The following WDR62 variants were observed in gnomAD, a reference collection of about 807,000 sequenced individuals.
The protein encoded by WDR62 is WD repeat-containing protein 62.
In WDR62, 112 loss-of-function variants were observed where a neutral mutation model predicts 160.6. The ratio of observed to expected loss-of-function variants is 0.70; its 90% CI spans 0.60 to 0.82. The LOEUF (loss-of-function observed/expected upper bound fraction) is 0.82. Among genes scored for constraint, WDR62 ranks in the 40% least tolerant of loss-of-function variants. WDR62 has a pLI of 0.00. For synonymous variants in WDR62, 792 were observed against 815.1 expected (o/e 0.97, Z 0.48); for missense variants, 1,819 against 1,983.8 (o/e 0.92, Z 1.58).
chr19:36,107,849 G>A (rs1370555514), downstream of WDR62, among the ~76,000 whole-genome samples: 2 of 152,152 alleles, frequency 1.3e-5, no homozygotes, highest in Admixed American at 1.3e-4. Context: ...ACCTGGTTAA[G>A]AAGCCACTGC....
At chr19:36,078,101 T>G (rs1159052940) in intron 9 of WDR62, among the ~76,000 whole-genome samples, 1 of 152,174 alleles carries the variant, frequency 6.6e-6, no homozygotes, top group Non-Finnish European at 1.5e-5. Context: ...TTTTCTACCT[T>G]ATGGCTGTTG....
chr19:36,100,193 A>T (rs917034401), intron 22 of WDR62, among the ~76,000 whole-genome samples: 4 of 152,240 alleles, frequency 2.6e-5, no homozygotes, highest in Admixed American at 2.0e-4. Context: ...GCTTAAGTAT[A>T]GGGCCTGGGC....
intron 9 of WDR62, 170 bp downstream of exon 9, chr19:36,073,701 C>G: frequency 1.4e-6 from 1 of 699,292 alleles, no homozygotes; most frequent in Non-Finnish European, 2.6e-6. Flanking sequence ...CCTTAACAAG[C>G]TCACATTTGG....
intron 9 of WDR62, among the ~76,000 whole-genome samples, chr19:36,076,750 C>G (rs572755017): frequency 4.6e-5 from 7 of 152,008 alleles, no homozygotes; most frequent in Non-Finnish European, 1.0e-4. Flanking sequence ...CTTTTTCCCA[C>G]ATTATACATG....
intron 4 of WDR62, 118 bp from the exon 5 acceptor site, chr19:36,066,139 G>A: frequency 1.3e-6 from 2 of 1,578,362 alleles, no homozygotes; most frequent in African/African-American, 1.3e-5. Context: ...CAGCCCTGTA[G>A]CAGATGGGGG....
intron 13 of WDR62, among the ~76,000 whole-genome samples, chr19:36,087,023 C>G (rs1396053643): frequency 5.3e-5 from 8 of 151,798 alleles, no homozygotes; most frequent in Non-Finnish European, 1.2e-4. Flanking sequence ...CACCTGAGGT[C>G]AGGAGTTCGG....
intron 11 of WDR62, 86 bp from the exon 12 acceptor site, chr19:36,084,566 TG>T: frequency 1.6e-6 from 2 of 1,261,470 alleles, no homozygotes; most frequent in Non-Finnish European, 1.2e-6. Flanking sequence ...TCATTGTTGG[TG>T]GCCTGGCCAT....
At chr19:36,090,342 G>C in intron 15 of WDR62, 103 bp from the exon 16 acceptor site, 1 of 1,054,138 alleles carries the variant, frequency 9.5e-7, no homozygotes, top group Non-Finnish European at 1.5e-6. Context: ...GGGACAAGAG[G>C]TAGCAGGGGG....
intron 3 of WDR62, chr19:36,061,473 A>G: frequency 6.6e-6 from 1 of 152,246 alleles, no homozygotes; most frequent in East Asian, 1.9e-4. Context: ...TAACACAAAA[A>G]TCCAAATGTC....
intron 1 of WDR62, among the ~76,000 whole-genome samples, chr19:36,055,814 A>G (rs936319591): frequency 6.6e-6 from 1 of 152,206 alleles, no homozygotes; most frequent in African/African-American, 2.4e-5. Context: ...GCGGCAATTA[A>G]AAAAATTGTT....
chr19:36,056,812 CTTTTT>C (rs1005571081), intron 1 of WDR62, among the ~76,000 whole-genome samples: 1 of 139,886 alleles, frequency 7.1e-6, no homozygotes. Context: ...TTTTTCTTTT[CTTTTT>C]TTTTTTTTTT....
At chr19:36,094,755 C>T (rs1446619483) in intron 20 of WDR62, among the ~76,000 whole-genome samples, 1 of 151,434 alleles carries the variant, frequency 6.6e-6, no homozygotes, top group Admixed American at 6.6e-5. Flanking sequence ...AGAAATTAGC[C>T]AGGCATAGTG....
At chr19:36,067,546 G>A (rs1221250289) in intron 6 of WDR62, 103 bp downstream of exon 6, 2 of 1,541,708 alleles carry the variant, frequency 1.3e-6, no homozygotes, top group Non-Finnish European at 1.8e-6. Context: ...AGCGGTCTCG[G>A]GCCATTTGGC....
In WDR62 at chr19:36,099,538, C is replaced by T. The variant is rs1973195995; in HGVS notation, c.2660C>T (p.Thr887Ile). The change falls in exon 22 of 32, where the codon ACC (threonine) becomes ATC (isoleucine). Residue 887 changes from threonine to isoleucine, a missense_variant. Physicochemically the swap from Thr to Ile is moderately conservative, Grantham distance 89. Around this residue, in one of 3 missense-constraint regions of WDR62, gnomAD observed 934 missense variants for 1,157.2 expected, o/e 0.81. Coordinates refer to ENST00000401500, the MANE Select transcript of WDR62 (RefSeq NM_001083961.2). ...LDAQDLDCYFTPMKPESLENS... is the reference protein window; with the variant it reads ...LDAQDLDCYFIPMKPESLENS... ...GCCCAGGACCTGGATTGCTACTTTA[C>T]CCCCATGAAGCCCGAGAGTCTGGAG... is the stretch of plus-strand genomic sequence containing the variant. The T allele has an allele frequency of 6.2e-7, 1 of 1,614,206 alleles. No individual in the cohort carries two copies. The highest frequency in any genetic ancestry group is 1.3e-5 in the African/African-American group (1 of 75,068).
Position 36,094,182 on chromosome 19 carries a change from A to G in WDR62, c.2467+18A>G, listed in dbSNP as rs111843084. ...GGATCCAGGTTGGAAAAGGGGCCCT[A>G]TTTTGAACTATGTCAGTGTAGGGAA... is the stretch of plus-strand genomic sequence containing the variant. On this transcript the variant is annotated intron_variant, in intron 20 of 31. Coordinates refer to ENST00000401500, the MANE Select transcript of WDR62 (RefSeq NM_001083961.2). 1.0e-4 allele frequency: 165 copies of G among 1,612,984 alleles called. 3 individuals are homozygous for G. Among genetic ancestry groups the G allele is most frequent in the Middle Eastern group, 3.3e-4 (2 of 6,010 alleles).
intron 16 of WDR62, 52 bp downstream of exon 16, chr19:36,090,572 G>C (rs779907285): frequency 6.5e-7 from 1 of 1,542,010 alleles, no homozygotes; most frequent in South Asian, 1.1e-5. Context: ...GCCACCTATT[G>C]TGACGGCCCA....
In WDR62 at chr19:36,058,828, C is replaced by G; in HGVS notation, c.226C>G (p.Leu76Val). 1 of 1,614,254 alleles carries G rather than the reference C, an allele frequency of 6.2e-7. No homozygotes were observed. Among genetic ancestry groups the G allele is most frequent in the Non-Finnish European group, 8.5e-7 (1 of 1,180,040 alleles). ...CATCACAGCCCAGAACAGCAGTGGC[C>G]TAACCTGTGACCCCGGCACAGGCCA... ...LGITAQNSSGLTCDPGTGHVA... is the reference protein window; with the variant it reads ...LGITAQNSSGVTCDPGTGHVA... Residue 76 changes from leucine to valine, a missense_variant, in exon 2 of 32, where the codon CTA (leucine) becomes GTA (valine). Transcript: ENST00000401500.
intron 11 of WDR62, 56 bp downstream of exon 11, chr19:36,083,297 C>T: frequency 6.5e-7 from 1 of 1,536,692 alleles, no homozygotes; most frequent in Non-Finnish European, 8.8e-7. Flanking sequence ...CTCAGGTTCT[C>T]AGGGCAGTGG....
chr19:36,091,358 C>T, intron 17 of WDR62, 44 bp from the exon 18 acceptor site: 1 of 1,607,342 alleles, frequency 6.2e-7, no homozygotes, highest in Non-Finnish European at 8.5e-7. Flanking sequence ...CGCCCACACC[C>T]TCTGACTCCG....
Sources: gnomAD v4.1 joint callset for allele counts (sites outside exome capture counted in the v4.1 genomes callset) on GRCh38, gnomAD v4.1.1 for gene constraint, gnomAD v4.1.1 regional missense constraint, MANE v1.5 for transcripts, NCBI Gene and HGNC (gene_info 2026-07-23, HGNC 2026-07-21) for gene names.